PRMT3: variants seen among roughly 807,000 people sequenced by gnomAD.
PRMT3 encodes the protein protein arginine N-methyltransferase 3.
PRMT3 carries 62 observed loss-of-function variants against 71.9 expected under a neutral mutation model. The ratio of observed to expected loss-of-function variants is 0.86; its 90% confidence interval spans 0.70 to 1.07. The LOEUF (loss-of-function observed/expected upper bound fraction) is 1.07, where lower values mean the gene tolerates loss of function less well. Ranked by LOEUF, PRMT3 falls within the 50% of genes least tolerant of loss-of-function variation. The probability of loss-of-function intolerance (pLI) is 0.00; values close to 1 mark genes in which losing one functional copy is unlikely to be tolerated. For missense variants in PRMT3, 663 were observed against 643.0 expected, an observed-to-expected ratio of 1.03 and a Z score of -0.34; for synonymous variants, 213 against 220.4, an observed-to-expected ratio of 0.97 and a Z score of 0.30.
intron 8 of PRMT3, 25 bp downstream of exon 8, chr11:20,403,009 A>T (rs1351370442): frequency 6.6e-7 from 1 of 1,505,422 alleles, no homozygotes. Flanking sequence ...TTATAGAATT[A>T]TACATTTCAT....
At position 20,426,862 on chromosome 11, in the gene PRMT3, G is replaced by A; in HGVS notation, c.990G>A (p.Trp330Ter). The A allele has an allele frequency of 6.5e-7, 1 of 1,527,612 alleles. No individual in the cohort carries two copies. Among genetic ancestry groups the A allele is most frequent in the Non-Finnish European group, 8.7e-7 (1 of 1,150,092 alleles). 94.6% of individuals were successfully genotyped at this position (1,527,612 alleles called of 1,614,324 possible). The change falls in exon 10 of 16, where the codon TGG becomes TGA. Residue 330 changes from tryptophan (W) to a stop codon, truncating the protein, a stop_gained. Transcript: ENST00000331079. LOFTEE classifies it high-confidence loss of function. ...VEKVDVIISE[W>*]MGYFLLFESM... The stretch of plus-strand genomic sequence containing the variant: ...AAGTAGATGTTATCATATCTGAGTG[G>A]ATGGTGAGTGTTTATAGAAAAAACT...
chr11:20,473,578 T>TA (rs1850704399), intron 13 of PRMT3, among the ~76,000 whole-genome samples: 1 of 152,188 alleles, frequency 6.6e-6, no homozygotes, highest in South Asian at 2.1e-4. Flanking sequence ...GAGAGACTGT[T>TA]ATGATTTCAA....
intron 3 of PRMT3, among the ~76,000 whole-genome samples, chr11:20,390,835 G>A (rs1291411850): frequency 6.6e-6 from 1 of 152,174 alleles, no homozygotes; most frequent in Non-Finnish European, 1.5e-5. Context: ...TGGATCACAA[G>A]GTCAGGAGAT....
chr11:20,448,418 A>G (rs985173487), intron 10 of PRMT3, among the ~76,000 whole-genome samples: 2 of 152,160 alleles, frequency 1.3e-5, no homozygotes, highest in Non-Finnish European at 2.9e-5. Context: ...ACTTATTATG[A>G]TTCAGAGATA....
Position 20,391,301 on chromosome 11 carries a change from A to G in PRMT3, c.248-910A>G, listed in dbSNP as rs1848709200. 2.0e-5 allele frequency among the ~76,000 whole-genome samples: 3 copies of G among 151,678 alleles called. No homozygotes were observed. In the South Asian group the frequency reaches 6.2e-4, roughly 32 times the overall value. On this transcript the variant is annotated intron_variant, in intron 3 of 15. Transcript: ENST00000331079. ...GCTCTTGTTGCCCAGGCTGGAGTGC[A>G]ATGGCACGATCTCGGCTCACTGCAA...
chr11:20,461,539 G>T (rs1850383025), intron 11 of PRMT3, among the ~76,000 whole-genome samples: 1 of 152,092 alleles, frequency 6.6e-6, no homozygotes, highest in Non-Finnish European at 1.5e-5. Flanking sequence ...ATATGAAGTG[G>T]TCTTCTGTAT....
At chr11:20,391,308 C>A in intron 3 of PRMT3, among the ~76,000 whole-genome samples, 1 of 151,788 alleles carries the variant, frequency 6.6e-6, no homozygotes, top group Non-Finnish European at 1.5e-5. Context: ...TGCAATGGCA[C>A]GATCTCGGCT....
chr11:20,410,986 T>C (rs1590043707), intron 9 of PRMT3, among the ~76,000 whole-genome samples: 1 of 152,008 alleles, frequency 6.6e-6, no homozygotes, highest in East Asian at 1.9e-4. Flanking sequence ...AGAATGTCTC[T>C]TTAGCAATAC....
At chr11:20,400,285 A>G (rs1405860573) in intron 7 of PRMT3, among the ~76,000 whole-genome samples, 4 of 152,162 alleles carry the variant, frequency 2.6e-5, no homozygotes, top group African/African-American at 9.7e-5. Context: ...TCTTTCCATG[A>G]CACTATTTTT....
At chr11:20,427,852 T>G (rs1849580668) in intron 10 of PRMT3, among the ~76,000 whole-genome samples, 1 of 50,124 alleles carries the variant, frequency 2.0e-5, no homozygotes, top group Admixed American at 1.5e-4. Flanking sequence ...CTTAAAGTTC[T>G]GTTTGGTAGA....
chr11:20,419,121 A>G (rs1849371602), intron 9 of PRMT3, among the ~76,000 whole-genome samples: 1 of 152,188 alleles, frequency 6.6e-6, no homozygotes, highest in Non-Finnish European at 1.5e-5. Context: ...TTCCAAAGTG[A>G]TTATACCACT....
intron 13 of PRMT3, among the ~76,000 whole-genome samples, chr11:20,467,177 T>C (rs1850532970): frequency 6.6e-6 from 1 of 152,208 alleles, no homozygotes. Flanking sequence ...AATATTTTAG[T>C]AGTTAGCATT....
At chr11:20,433,591 T>C (rs894842404) in intron 10 of PRMT3, among the ~76,000 whole-genome samples, 1 of 152,118 alleles carries the variant, frequency 6.6e-6, no homozygotes, top group African/African-American at 2.4e-5. Context: ...AGTAATGGAA[T>C]TGTTGGGTCA....
At chr11:20,397,520 T>C in intron 6 of PRMT3, 57 bp from the exon 7 acceptor site, 1 of 1,567,776 alleles carries the variant, frequency 6.4e-7, no homozygotes, top group Non-Finnish European at 8.7e-7. Flanking sequence ...CTCTAGCCTT[T>C]CCTTTATTCA....
Position 20,387,922 on chromosome 11 carries a change from C to T in PRMT3, c.29-97C>T, listed in dbSNP as rs1848631483. On this transcript the variant is annotated intron_variant, in intron 1 of 15. Coordinates refer to ENST00000331079, the MANE Select transcript of PRMT3 (RefSeq NM_005788.4). The surrounding 1 kb of genome is among the most constrained non-coding windows in gnomAD (Gnocchi z 4.3). ...GGAGGTGCTGAGTGAGGGCCGCGGG[C>T]GAACGGGGCGGAGGAGAGCCCATCG... 6.3e-7 allele frequency: 1 copy of T among 1,581,926 alleles called. No homozygotes were observed. The highest frequency in any genetic ancestry group is 1.1e-5 in the South Asian group (1 of 88,302).
intron 13 of PRMT3, among the ~76,000 whole-genome samples, chr11:20,486,630 G>A (rs1851079000): frequency 6.6e-6 from 1 of 152,076 alleles, no homozygotes; most frequent in Non-Finnish European, 1.5e-5. Flanking sequence ...AATTCGGGGA[G>A]CAGGGGAGAG....
intron 10 of PRMT3, among the ~76,000 whole-genome samples, chr11:20,449,427 T>G (rs1035672222): frequency 6.6e-6 from 1 of 152,150 alleles, no homozygotes; most frequent in Non-Finnish European, 1.5e-5. Context: ...CTAAATCTTA[T>G]TTTCAATTAG....
intron 10 of PRMT3, among the ~76,000 whole-genome samples, chr11:20,437,223 T>A (rs1192103286): frequency 6.6e-6 from 1 of 152,182 alleles, no homozygotes. Context: ...AACCAGGTTT[T>A]CTTATTGATC....
At chr11:20,445,185 T>C (rs954590298) in intron 10 of PRMT3, among the ~76,000 whole-genome samples, 1 of 152,090 alleles carries the variant, frequency 6.6e-6, no homozygotes, top group Admixed American at 6.6e-5. Flanking sequence ...TTAAAAAAAA[T>C]CAGTTTCACT....
Sources: gnomAD v4.1 joint callset for allele counts (sites outside exome capture counted in the v4.1 genomes callset) on GRCh38, gnomAD v4.1.1 for gene constraint, Gnocchi (gnomAD v3.1) non-coding constraint, MANE v1.5 for transcripts, NCBI Gene and HGNC (gene_info 2026-07-23, HGNC 2026-07-21) for gene names.